Variants in ZNF385B observed in about 807,000 individuals in gnomAD.
ZNF385B encodes zinc finger protein 385B.
Under a neutral mutation model 39.2 loss-of-function variants are expected in ZNF385B, and 23 were observed. The observed-to-expected ratio is 0.59, with a 90% CI of 0.42 to 0.83. The LOEUF is 0.83. Ranked by LOEUF, ZNF385B falls within the 40% of genes least tolerant of loss-of-function variation. The pLI, the probability that ZNF385B is intolerant of heterozygous loss-of-function variation, is 0.00. For missense variants in ZNF385B, 552 were observed against 598.9 expected, an observed-to-expected ratio of 0.92 and a Z score of 0.82; for synonymous variants, 205 against 222.6, an observed-to-expected ratio of 0.92 and a Z score of 0.70.
chr2:179,822,122 A>G (rs1274120976), intron 1 of ZNF385B, among the ~76,000 whole-genome samples: 1 of 152,226 alleles, frequency 6.6e-6, no homozygotes. Context: ...CCTACACAAT[A>G]GGTTCCTAAA....
rs572123646 is a variant in ZNF385B, at chr2:179,488,088, A to G, written c.553-4654T>C. On this transcript the variant is annotated intron_variant, in intron 5 of 9. Transcript: ENST00000410066. ...TGCTTCAAAAACAAAAATGTAACCCAAAAACTTCTAAACTTCACTGTGCTC... is the reference window on the plus strand; with the variant it reads ...TGCTTCAAAAACAAAAATGTAACCCGAAAACTTCTAAACTTCACTGTGCTC... Among the ~76,000 whole-genome samples the G allele has an allele frequency of 6.6e-5, 10 of 152,348 alleles. No individual in the cohort carries two copies. The South Asian group carries it at 2.1e-3, about 32-fold the overall frequency.
At chr2:179,745,650 C>G in intron 3 of ZNF385B, 1 of 1,412,508 alleles carries the variant, frequency 7.1e-7, no homozygotes, top group Non-Finnish European at 9.5e-7. Context: ...GCATAACATA[C>G]AAAAGAATCT....
At chr2:179,557,751 T>C (rs919199108) in intron 3 of ZNF385B, among the ~76,000 whole-genome samples, 1 of 151,836 alleles carries the variant, frequency 6.6e-6, no homozygotes, top group African/African-American at 2.4e-5. Context: ...ATTCATAGGG[T>C]ACATGTATAG....
chr2:179,489,744 G>A (rs149466753), intron 5 of ZNF385B, among the ~76,000 whole-genome samples: 86 of 152,256 alleles, frequency 5.6e-4, no homozygotes, highest in African/African-American at 2.0e-3. Flanking sequence ...CATATCCAAA[G>A]GTTGCTAGTA....
At chr2:179,737,539 A>G (rs1050697557) in intron 3 of ZNF385B, among the ~76,000 whole-genome samples, 1 of 152,102 alleles carries the variant, frequency 6.6e-6, no homozygotes, top group Non-Finnish European at 1.5e-5. Context: ...TAACTTTCAG[A>G]CCCTAACTTT....
At chr2:179,819,388 C>T (rs759009345) in intron 1 of ZNF385B, among the ~76,000 whole-genome samples, 3 of 152,118 alleles carry the variant, frequency 2.0e-5, no homozygotes, top group African/African-American at 2.4e-5. Flanking sequence ...GACATCACCT[C>T]CCCCTCTACC....
At chr2:179,616,726 A>T (rs983600888) in intron 3 of ZNF385B, among the ~76,000 whole-genome samples, 1 of 151,780 alleles carries the variant, frequency 6.6e-6, no homozygotes, top group Non-Finnish European at 1.5e-5. Flanking sequence ...GGCCCGGCTA[A>T]TTTTTTTTAT....
chr2:179,544,240 T>G (rs572848989), intron 4 of ZNF385B, among the ~76,000 whole-genome samples: 2 of 152,354 alleles, frequency 1.3e-5, no homozygotes, highest in South Asian at 4.1e-4. Flanking sequence ...GGTAATTCAC[T>G]AACACTTATC....
chr2:179,489,309 C>T (rs2054951971), intron 5 of ZNF385B, among the ~76,000 whole-genome samples: 1 of 152,122 alleles, frequency 6.6e-6, no homozygotes, highest in African/African-American at 2.4e-5. Flanking sequence ...CTACGTTGTG[C>T]TACCTTGAAA....
At chr2:179,850,987 G>A (rs368286637) in intron 1 of ZNF385B, among the ~76,000 whole-genome samples, 2 of 152,200 alleles carry the variant, frequency 1.3e-5, no homozygotes, top group African/African-American at 4.8e-5. Context: ...CATGTGACCA[G>A]TAATTTGCCT....
At chr2:179,802,286 C>T (rs901151042) in intron 1 of ZNF385B, among the ~76,000 whole-genome samples, 3 of 152,040 alleles carry the variant, frequency 2.0e-5, no homozygotes, top group Admixed American at 2.0e-4. Flanking sequence ...TTATGTAATT[C>T]ATCATTTTAA....
At chr2:179,768,806 A>G (rs75026807) in intron 3 of ZNF385B, among the ~76,000 whole-genome samples, 1,848 of 152,362 alleles carry the variant, frequency 0.012, 44 homozygotes, top group African/African-American at 0.041. Context: ...CAAGGATAAG[A>G]TAAAGGATTT....
intron 3 of ZNF385B, among the ~76,000 whole-genome samples, chr2:179,569,157 G>C (rs1469276838): frequency 6.6e-6 from 1 of 152,144 alleles, no homozygotes; most frequent in Non-Finnish European, 1.5e-5. Flanking sequence ...TCCTAAAGCA[G>C]GCAAGCGTCA....
intron 3 of ZNF385B, among the ~76,000 whole-genome samples, chr2:179,613,956 C>T (rs959548386): frequency 1.1e-4 from 17 of 149,720 alleles, no homozygotes; most frequent in Admixed American, 1.1e-3. Context: ...TGGGCGCCAG[C>T]TGAGTTCTGC....
intron 3 of ZNF385B, among the ~76,000 whole-genome samples, chr2:179,605,243 T>A (rs558137605): frequency 5.3e-5 from 8 of 151,564 alleles, no homozygotes; most frequent in Admixed American, 1.3e-4. Context: ...GAAACATGAT[T>A]TTTTTTTCAG....
At chr2:179,791,265 C>A (rs1489937713) in intron 1 of ZNF385B, among the ~76,000 whole-genome samples, 7 of 152,158 alleles carry the variant, frequency 4.6e-5, no homozygotes, top group Non-Finnish European at 8.8e-5. Context: ...TAAACAGTAG[C>A]AAGCCCTTAG....
chr2:179,831,133 T>C (rs948560460), intron 1 of ZNF385B, among the ~76,000 whole-genome samples: 4 of 152,190 alleles, frequency 2.6e-5, no homozygotes, highest in African/African-American at 9.7e-5. Context: ...AATCTTGAAC[T>C]AAAAATGCCT....
At chr2:179,582,604 A>G (rs1686656410) in intron 3 of ZNF385B, among the ~76,000 whole-genome samples, 1 of 152,214 alleles carries the variant, frequency 6.6e-6, no homozygotes, top group Non-Finnish European at 1.5e-5. Context: ...AAGTCCCTAC[A>G]CACATGGAGA....
chr2:179,841,468 A>G (rs1327074996), intron 1 of ZNF385B, among the ~76,000 whole-genome samples: 1 of 152,236 alleles, frequency 6.6e-6, no homozygotes, highest in Non-Finnish European at 1.5e-5. Context: ...AGCTCTGGGA[A>G]GAAAGCAAGA....
Sources: allele counts gnomAD v4.1 joint callset (sites outside exome capture counted in the v4.1 genomes callset), GRCh38; gene constraint gnomAD v4.1.1; transcripts MANE v1.5; gene names NCBI Gene and HGNC (gene_info 2026-07-23, HGNC 2026-07-21).